PPFIBP2: variants seen among roughly 807,000 people sequenced by gnomAD.
The protein encoded by PPFIBP2 is liprin-beta-2.
PPFIBP2 carries 118 observed loss-of-function variants against 118.3 expected under a neutral mutation model. That is an observed-to-expected ratio of 1.00 (90% CI 0.86 to 1.16). The LOEUF (loss-of-function observed/expected upper bound fraction) is 1.16, where lower values mean the gene tolerates loss of function less well. PPFIBP2 is among the 50% of genes most tolerant of loss of function. The pLI is 0.00. For missense variants in PPFIBP2, 1,195 were observed against 1,073.1 expected (o/e 1.11, Z -1.59); for synonymous variants, 414 against 397.4 (o/e 1.04, Z -0.50).
chr11:7,627,006 G>A (rs192384687), intron 8 of PPFIBP2, among the ~76,000 whole-genome samples: 42 of 152,326 alleles, frequency 2.8e-4, no homozygotes, highest in Non-Finnish European at 4.9e-4. Flanking sequence ...GCTTGTAGAG[G>A]CTGGGTTCTA....
chr11:7,642,300 T>C lies in PPFIBP2; in HGVS notation c.1520T>C (p.Ile507Thr). 6.2e-7 allele frequency: 1 copy of C among 1,613,960 alleles called. No individual in the cohort carries two copies. Among genetic ancestry groups the C allele is most frequent in the South Asian group, 1.1e-5 (1 of 91,072 alleles). Residue 507 changes from isoleucine to threonine, a missense_variant and splice_region_variant, in exon 17 of 24, where the codon ATC becomes ACC. Physicochemically the swap from Ile to Thr is moderately conservative, Grantham distance 89 (BLOSUM62 -1). Coordinates refer to ENST00000299492, the MANE Select transcript of PPFIBP2 (RefSeq NM_003621.5). ...TCCATGGATTCTTCTCCATGCAGAATCCGAAGAACTCAGTCAGGAAATTTC... is the reference window on the plus strand; with the variant it reads ...TCCATGGATTCTTCTCCATGCAGAACCCGAAGAACTCAGTCAGGAAATTTC... ...PKGIKKFWGK[I>T]RRTQSGNFYT... is the part of the protein sequence containing the mutation.
chr11:7,649,475 A>C lies in PPFIBP2; in HGVS notation c.1999-57A>C, dbSNP rs1330485566. 28 of 1,606,532 alleles carry C rather than the reference A, an allele frequency of 1.7e-5. No homozygotes were observed. The Admixed American group carries it at 1.8e-4, about 11-fold the overall frequency. ...TATGCTTGGTCTGGTGAGGGACATC[A>C]GGGGTCTTTTGTCACTTTGGAAACT... On this transcript the variant is annotated intron_variant, in intron 20 of 23. Coordinates refer to ENST00000299492, the MANE Select transcript of PPFIBP2 (RefSeq NM_003621.5).
In PPFIBP2 at chr11:7,515,564, C is replaced by G. The variant is rs186072934; in HGVS notation, c.-37+1443C>G. Among the ~76,000 whole-genome samples the G allele has an allele frequency of 7.7e-3, 1,167 of 152,236 alleles. 8 individuals carry two copies. Among genetic ancestry groups the G allele is most frequent in the Non-Finnish European group, 0.013 (874 of 68,008 alleles). ...AGGATCCCTCCTGGGGTTTTTGAGG[C>G]AGAGAAGGGTAGAGTGTGGCCTGGG... On this transcript the variant is annotated intron_variant, in intron 1 of 23. Transcript: ENST00000299492.
intron 1 of PPFIBP2, among the ~76,000 whole-genome samples, chr11:7,547,256 T>A (rs920392982): frequency 6.6e-6 from 1 of 151,980 alleles, no homozygotes; most frequent in Non-Finnish European, 1.5e-5. Context: ...AACTAGGAAG[T>A]GAGCTCAGGG....
intron 14 of PPFIBP2, among the ~76,000 whole-genome samples, chr11:7,637,920 C>A (rs1851657278): frequency 6.6e-6 from 1 of 152,170 alleles, no homozygotes; most frequent in African/African-American, 2.4e-5. Context: ...CCGGGTGGCC[C>A]ACTTGCTTCC....
chr11:7,541,076 GCTGT>G (rs1269344168), intron 1 of PPFIBP2, among the ~76,000 whole-genome samples: 5 of 152,164 alleles, frequency 3.3e-5, no homozygotes, highest in Admixed American at 2.6e-4. Context: ...AGCCCCTGAG[GCTGT>G]CTAAGCAAAA....
intron 1 of PPFIBP2, among the ~76,000 whole-genome samples, chr11:7,543,081 T>C (rs552572075): frequency 6.6e-6 from 1 of 152,364 alleles, no homozygotes; most frequent in East Asian, 1.9e-4. Context: ...TTGGTTAATA[T>C]GGGATGTGAT....
chr11:7,648,676 C>A, intron 18 of PPFIBP2, 124 bp from the exon 19 acceptor site: 2 of 1,433,014 alleles, frequency 1.4e-6, no homozygotes, highest in Non-Finnish European at 1.9e-6. Flanking sequence ...TGCAGGTTGG[C>A]ATCCCAGGGC....
intron 6 of PPFIBP2, among the ~76,000 whole-genome samples, chr11:7,612,939 A>G (rs1848234300): frequency 6.6e-6 from 1 of 152,236 alleles, no homozygotes; most frequent in South Asian, 2.1e-4. Context: ...GGAGATGTTT[A>G]TTTTGAGTGA....
chr11:7,592,111 A>G (rs1382350492), intron 3 of PPFIBP2, among the ~76,000 whole-genome samples: 2 of 152,136 alleles, frequency 1.3e-5, no homozygotes, highest in Admixed American at 1.3e-4. Context: ...ACCAGCTCAG[A>G]TTGTATAATA....
Position 7,565,536 on chromosome 11 carries a change from CCT to C in PPFIBP2, c.65-9_65-8del, listed in dbSNP as rs759203260. On this transcript the variant is annotated splice_polypyrimidine_tract_variant and intron_variant, in intron 2 of 23. Coordinates refer to ENST00000299492, the MANE Select transcript of PPFIBP2 (RefSeq NM_003621.5). ...GTCCACCCTTCTTACTGAGTTTTCA[CCT>C]CTCTCTCATTGCAGGCACTAAAACA... is the stretch of plus-strand genomic sequence containing the variant. 10 of 1,613,274 alleles carry C rather than the reference CCT, an allele frequency of 6.2e-6. No homozygotes were observed. Among genetic ancestry groups the C allele is most frequent in the Middle Eastern group, 1.6e-4 (1 of 6,064 alleles).
At chr11:7,666,015 G>A in the PPFIBP2 span, 2 of 1,079,470 alleles carry the variant, frequency 1.9e-6, no homozygotes, top group Middle Eastern at 2.1e-4. Context: ...AGTGGTTGCT[G>A]GGATGCTGTC....
intron 6 of PPFIBP2, among the ~76,000 whole-genome samples, chr11:7,611,917 TG>T (rs1343246675): frequency 6.6e-6 from 1 of 152,220 alleles, no homozygotes; most frequent in African/African-American, 2.4e-5. Flanking sequence ...GAGAAGTAAC[TG>T]AATTTTCTTC....
intron 2 of PPFIBP2, among the ~76,000 whole-genome samples, chr11:7,558,469 G>C (rs965823212): frequency 3.3e-5 from 5 of 152,144 alleles, no homozygotes; most frequent in Non-Finnish European, 7.4e-5. Flanking sequence ...TCATTAAAAG[G>C]CTTTCAGCTG....
chr11:7,576,986 ATTTTTAGTCTTCTCCCCAGTCCC>A (rs771036817), intron 3 of PPFIBP2: 3,204 of 152,488 alleles, frequency 0.021, 40 homozygotes, highest in Middle Eastern at 0.037. Context: ...AGCAGCACTT[ATTTTTAGTCTTCTCCCCAGTCCC>A]AAATAAACTG....
intron 1 of PPFIBP2, among the ~76,000 whole-genome samples, chr11:7,530,827 G>A (rs1232327094): frequency 6.6e-6 from 1 of 152,134 alleles, no homozygotes; most frequent in Non-Finnish European, 1.5e-5. Context: ...TTGAGGCTGG[G>A]GGTATGGGGA....
Position 7,629,452 on chromosome 11 carries a change from A to G in PPFIBP2, c.889-7A>G, listed in dbSNP as rs371999235. On this transcript the variant is annotated splice_region_variant and splice_polypyrimidine_tract_variant and intron_variant, in intron 9 of 23. Coordinates refer to ENST00000299492, the MANE Select transcript of PPFIBP2 (RefSeq NM_003621.5). ...ATTAATCTAAATCTCTACTTGCACT[A>G]TGGCAGGACCGTCGGATAGAGGAGC... is the stretch of plus-strand genomic sequence containing the variant. 53 of 1,613,510 alleles carry G rather than the reference A, an allele frequency of 3.3e-5. No homozygotes were observed. Among genetic ancestry groups the G allele is most frequent in the African/African-American group, 2.1e-4 (16 of 74,908 alleles).
At chr11:7,662,661 G>A in the PPFIBP2 span, among the ~76,000 whole-genome samples, 85 of 145,698 alleles carry the variant, frequency 5.8e-4, 2 homozygotes, top group African/African-American at 1.5e-3. Flanking sequence ...TCTTTCTGGC[G>A]TTCTCTGTAT....
chr11:7,656,930 A>T, downstream of PPFIBP2: 1 of 597,772 alleles, frequency 1.7e-6, no homozygotes, highest in Admixed American at 2.4e-5. Context: ...CAGGCTGCTG[A>T]CAGGCATGAA....
Sources: gnomAD v4.1 joint callset for allele counts (sites outside exome capture counted in the v4.1 genomes callset) on GRCh38, gnomAD v4.1.1 for gene constraint, MANE v1.5 for transcripts, NCBI Gene and HGNC (gene_info 2026-07-23, HGNC 2026-07-21) for gene names.